The following STAU2 variants were observed in gnomAD, a reference collection of about 807,000 sequenced individuals.
STAU2 encodes staufen double-stranded RNA binding protein 2.
In STAU2, 20 loss-of-function variants were observed where a neutral mutation model predicts 65.9. The ratio of observed to expected loss-of-function variants is 0.30; its 90% CI spans 0.21 to 0.44. The LOEUF is 0.44. Among genes scored for constraint, STAU2 ranks in the 20% least tolerant of loss-of-function variants. STAU2 has a pLI of 1.00. For missense variants in STAU2, 558 were observed against 683.9 expected (o/e 0.82, Z 2.05); for synonymous variants, 232 against 233.9 (o/e 0.99, Z 0.07).
intron 6 of STAU2, among the ~76,000 whole-genome samples, chr8:73,669,637 T>TTCTCTCTCTCTCTCTCTC (rs34037884): frequency 7.1e-5 from 10 of 141,336 alleles, no homozygotes; most frequent in African/African-American, 2.4e-4. Flanking sequence ...GAGCCTGGAA[T>TTCTCTCTCTCTCTCTCTC]TCTCTCTCTC....
intron 10 of STAU2, among the ~76,000 whole-genome samples, chr8:73,603,471 T>C (rs1367248839): frequency 6.6e-6 from 1 of 152,352 alleles, no homozygotes; most frequent in East Asian, 1.9e-4. Context: ...AAGATAGGCA[T>C]TAAATGATAA....
At chr8:73,665,547 T>C (rs1056949141) in intron 6 of STAU2, among the ~76,000 whole-genome samples, 1 of 152,182 alleles carries the variant, frequency 6.6e-6, no homozygotes, top group African/African-American at 2.4e-5. Context: ...CAAAGAAACG[T>C]CAAATATTGG....
At chr8:73,444,130 G>T (rs13439232) in intron 13 of STAU2, among the ~76,000 whole-genome samples, 72 of 152,272 alleles carry the variant, frequency 4.7e-4, no homozygotes, top group African/African-American at 1.7e-3. Flanking sequence ...GTGACAGCTG[G>T]GTGCTGCGGC....
intron 13 of STAU2, among the ~76,000 whole-genome samples, chr8:73,478,694 A>G (rs1170651317): frequency 6.6e-6 from 1 of 151,930 alleles, no homozygotes; most frequent in Non-Finnish European, 1.5e-5. Flanking sequence ...GTAAATGTAC[A>G]GAAACTCAAT....
chr8:73,447,605 T>C (rs1818544541), intron 13 of STAU2, among the ~76,000 whole-genome samples: 1 of 152,222 alleles, frequency 6.6e-6, no homozygotes, highest in African/African-American at 2.4e-5. Flanking sequence ...TAAAAATTTG[T>C]AACAAGTTGT....
chr8:73,550,423 G>A (rs1807251873), intron 13 of STAU2: 4 of 985,354 alleles, frequency 4.1e-6, no homozygotes, highest in Non-Finnish European at 2.4e-6. Flanking sequence ...TACAGCTACT[G>A]TAACAACAGC....
intron 12 of STAU2, among the ~76,000 whole-genome samples, chr8:73,557,622 C>T (rs1399195775): frequency 1.3e-5 from 2 of 152,202 alleles, no homozygotes; most frequent in African/African-American, 2.4e-5. Flanking sequence ...TAATCATTGC[C>T]ACTCTACAAT....
At chr8:73,592,585 G>A (rs891856690) in intron 11 of STAU2, among the ~76,000 whole-genome samples, 2 of 152,134 alleles carry the variant, frequency 1.3e-5, no homozygotes, top group Non-Finnish European at 2.9e-5. Flanking sequence ...CCAACCAGGT[G>A]AGGTGCCTCA....
chr8:73,504,508 T>C (rs1351375307), intron 13 of STAU2, among the ~76,000 whole-genome samples: 6 of 152,132 alleles, frequency 3.9e-5, no homozygotes, highest in Admixed American at 3.9e-4. Flanking sequence ...TTCAAATGTA[T>C]AGAGTGTTTG....
intron 12 of STAU2, among the ~76,000 whole-genome samples, chr8:73,554,100 C>A (rs1472994566): frequency 6.6e-6 from 1 of 152,100 alleles, no homozygotes; most frequent in African/African-American, 2.4e-5. Flanking sequence ...TAGTCTAATC[C>A]ACTTTCTTTG....
chr8:73,544,034 G>A (rs1194380553), intron 13 of STAU2, among the ~76,000 whole-genome samples: 1 of 152,098 alleles, frequency 6.6e-6, no homozygotes, highest in Non-Finnish European at 1.5e-5. Flanking sequence ...CTCATCCATA[G>A]TAAAAATAAA....
At chr8:73,663,743 T>G (rs1817016466) in intron 6 of STAU2, among the ~76,000 whole-genome samples, 1 of 152,106 alleles carries the variant, frequency 6.6e-6, no homozygotes, top group Admixed American at 6.6e-5. Flanking sequence ...TGAGCAGTAT[T>G]TTATAGCCTT....
In STAU2 at chr8:73,582,920, T is replaced by C. The variant is rs935419217; in HGVS notation, c.1162-90A>G. The C allele has an allele frequency of 2.6e-6, 3 of 1,144,394 alleles. No individual in the cohort carries two copies. The Admixed American group carries it at 6.0e-5, about 23-fold the overall frequency. The allele number at this position is 1,144,394 out of a possible 1,614,324, so 70.9% of individuals were successfully genotyped here. Reference sequence around the variant, plus strand: ...GGTGACCAATTAAGCAAAGGCAAAGTCCTCTCACATGGTTATTCTGCATAT... The same window carrying C: ...GGTGACCAATTAAGCAAAGGCAAAGCCCTCTCACATGGTTATTCTGCATAT... On this transcript the variant is annotated intron_variant, in intron 11 of 14. Transcript: ENST00000524300.
At chr8:73,686,345 T>C (rs538467260) in intron 5 of STAU2, among the ~76,000 whole-genome samples, 44 of 152,030 alleles carry the variant, frequency 2.9e-4, no homozygotes, top group Non-Finnish European at 5.7e-4. Context: ...GGTCAGGAGA[T>C]CGAGACCATC....
intron 3 of STAU2, among the ~76,000 whole-genome samples, chr8:73,732,140 G>C (rs1806114644): frequency 6.6e-6 from 1 of 152,160 alleles, no homozygotes; most frequent in Non-Finnish European, 1.5e-5. Flanking sequence ...CTTCCAAGAA[G>C]GCTCGTTCAC....
intron 6 of STAU2, among the ~76,000 whole-genome samples, chr8:73,628,543 T>C (rs1813857236): frequency 6.6e-6 from 1 of 152,188 alleles, no homozygotes; most frequent in Non-Finnish European, 1.5e-5. Context: ...AAGGGTTCTC[T>C]GAGAATGCAC....
At chr8:73,707,819 T>C (rs1427340211) in intron 4 of STAU2, among the ~76,000 whole-genome samples, 1 of 151,602 alleles carries the variant, frequency 6.6e-6, no homozygotes, top group African/African-American at 2.4e-5. Context: ...CACAGAGAAC[T>C]ATAGGTCCCA....
chr8:73,615,141 T>A (rs916872195), intron 8 of STAU2, among the ~76,000 whole-genome samples: 4 of 152,094 alleles, frequency 2.6e-5, no homozygotes, highest in African/African-American at 9.7e-5. Context: ...ATAATAATTA[T>A]TTTTTTAAGT....
chr8:73,725,288 G>C (rs971838344), intron 3 of STAU2, among the ~76,000 whole-genome samples: 1 of 151,784 alleles, frequency 6.6e-6, no homozygotes, highest in Non-Finnish European at 1.5e-5. Flanking sequence ...TCCTACATAG[G>C]CTTACTATTT....
Sources: allele counts gnomAD v4.1 joint callset (sites outside exome capture counted in the v4.1 genomes callset), GRCh38; gene constraint gnomAD v4.1.1; transcripts MANE v1.5; gene names NCBI Gene and HGNC (gene_info 2026-07-23, HGNC 2026-07-21).